Variants in SCAMP1 observed in about 807,000 individuals in gnomAD.
SCAMP1 encodes the protein secretory carrier membrane protein 1.
In SCAMP1, 15 loss-of-function variants were observed where a neutral mutation model predicts 41.8. The ratio of observed to expected loss-of-function variants is 0.36; its 90% confidence interval spans 0.24 to 0.55. The LOEUF is 0.55. SCAMP1 is among the 20% of genes least tolerant of loss of function. The pLI, the probability that SCAMP1 is intolerant of heterozygous loss-of-function variation, is 0.86. For synonymous variants in SCAMP1, 135 were observed against 136.8 expected (o/e 0.99, Z 0.09); for missense variants, 341 against 412.6 (o/e 0.83, Z 1.50).
chr5:78,438,114 A>G (rs1459346043), intron 6 of SCAMP1, among the ~76,000 whole-genome samples: 2 of 151,808 alleles, frequency 1.3e-5, no homozygotes, highest in African/African-American at 4.8e-5. Flanking sequence ...TTTCTTCTTT[A>G]TCAGTCTTGC....
intron 6 of SCAMP1, among the ~76,000 whole-genome samples, chr5:78,446,818 TCTGA>T (rs1191441386): frequency 6.6e-6 from 1 of 152,216 alleles, no homozygotes; most frequent in Non-Finnish European, 1.5e-5. Flanking sequence ...TTAGTTTAAA[TCTGA>T]CTGACATAGA....
At chr5:78,432,948 A>G (rs1322079925) in intron 6 of SCAMP1, among the ~76,000 whole-genome samples, 1 of 151,804 alleles carries the variant, frequency 6.6e-6, no homozygotes. Flanking sequence ...TTTGCATTTC[A>G]GTATATATAA....
chr5:78,462,640 C>T (rs80233593), intron 8 of SCAMP1, among the ~76,000 whole-genome samples: 1 of 152,092 alleles, frequency 6.6e-6, no homozygotes, highest in Non-Finnish European at 1.5e-5. Context: ...TGAAACTTTA[C>T]TCAAGTTAGT....
intron 2 of SCAMP1, among the ~76,000 whole-genome samples, chr5:78,411,715 T>C (rs1204301944): frequency 2.0e-5 from 3 of 152,184 alleles, no homozygotes; most frequent in Non-Finnish European, 4.4e-5. Context: ...TAAATAAAGC[T>C]GTAGTGAGCA....
intron 6 of SCAMP1, among the ~76,000 whole-genome samples, chr5:78,441,069 TA>T (rs1449503198): frequency 6.6e-6 from 1 of 152,162 alleles, no homozygotes; most frequent in African/African-American, 2.4e-5. Flanking sequence ...AGCACAGTGT[TA>T]GGGTGGAAGT....
intron 1 of SCAMP1, among the ~76,000 whole-genome samples, chr5:78,384,211 G>A (rs1361161438): frequency 7.3e-6 from 1 of 136,174 alleles, no homozygotes; most frequent in Non-Finnish European, 1.5e-5. Context: ...TTTTAAAAGG[G>A]GTGGAGTTCT....
chr5:78,361,373 C>T (rs1346354305), intron 1 of SCAMP1, among the ~76,000 whole-genome samples: 1 of 152,188 alleles, frequency 6.6e-6, no homozygotes, highest in Non-Finnish European at 1.5e-5. Context: ...ATAAACATAT[C>T]TGGAAAACAA....
intron 1 of SCAMP1, among the ~76,000 whole-genome samples, chr5:78,367,678 G>A (rs1479500968): frequency 6.6e-6 from 1 of 152,206 alleles, no homozygotes; most frequent in African/African-American, 2.4e-5. Context: ...CTTGACTGGA[G>A]ACAGACCTAT....
intron 6 of SCAMP1, among the ~76,000 whole-genome samples, chr5:78,439,324 A>G (rs1215241611): frequency 1.3e-5 from 2 of 149,056 alleles, no homozygotes; most frequent in East Asian, 1.9e-4. Context: ...GGCCTTTACA[A>G]TTTGGCATGT....
intron 7 of SCAMP1, among the ~76,000 whole-genome samples, chr5:78,450,558 G>T (rs923573908): frequency 6.6e-6 from 1 of 152,178 alleles, no homozygotes; most frequent in African/African-American, 2.4e-5. Context: ...GGGGACCTCA[G>T]AAATGGAGAC....
At chr5:78,398,255 C>A (rs1048432266) in intron 2 of SCAMP1, among the ~76,000 whole-genome samples, 3 of 151,852 alleles carry the variant, frequency 2.0e-5, no homozygotes, top group Non-Finnish European at 2.9e-5. Flanking sequence ...CATAGTTGAA[C>A]CTTGAAAACA....
intron 6 of SCAMP1, among the ~76,000 whole-genome samples, chr5:78,449,055 T>G (rs1278459691): frequency 6.6e-6 from 1 of 152,040 alleles, no homozygotes; most frequent in Non-Finnish European, 1.5e-5. Flanking sequence ...GTAAAACAGT[T>G]TGGCAGTTTC....
At chr5:78,470,465 A>G (rs1753859743) in intron 8 of SCAMP1, among the ~76,000 whole-genome samples, 1 of 152,192 alleles carries the variant, frequency 6.6e-6, no homozygotes, top group Admixed American at 6.5e-5. Flanking sequence ...AATGTTTTCA[A>G]GGTTCATCCG....
chr5:78,365,651 G>C (rs940821812), intron 1 of SCAMP1, among the ~76,000 whole-genome samples: 1 of 152,076 alleles, frequency 6.6e-6, no homozygotes, highest in African/African-American at 2.4e-5. Flanking sequence ...ACATCAACCT[G>C]CTAGACTAGA....
At chr5:78,413,363 C>T (rs1752128567) in intron 2 of SCAMP1, among the ~76,000 whole-genome samples, 1 of 149,728 alleles carries the variant, frequency 6.7e-6, no homozygotes, top group South Asian at 2.1e-4. Context: ...GCCTTGATAT[C>T]ATAGGTCTTC....
intron 6 of SCAMP1, among the ~76,000 whole-genome samples, chr5:78,430,737 A>G (rs370550556): frequency 6.6e-6 from 1 of 152,030 alleles, no homozygotes; most frequent in African/African-American, 2.4e-5. Context: ...CTAGAAGCTT[A>G]GGATGTTATG....
At chr5:78,382,802 TGTGTGTGTGTGTGTGTGC>T (rs1213245635) in intron 1 of SCAMP1, among the ~76,000 whole-genome samples, 9 of 134,658 alleles carry the variant, frequency 6.7e-5, no homozygotes, top group South Asian at 4.6e-4. Context: ...TGTGTGTGTG[TGTGTGTGTGTGTGTGTGC>T]GCCACATTTT....
rs1282753982 is a variant in SCAMP1 at position 78,412,689 on chromosome 5, G to A, written c.136-2831G>A. Reference sequence around the variant, plus strand: ...AGTGCTGTTACACCTCTTTTCACATGTTTATTGACCTCTTTCTATTGCTTG... The same window carrying A: ...AGTGCTGTTACACCTCTTTTCACATATTTATTGACCTCTTTCTATTGCTTG... On this transcript the variant is annotated intron_variant, in intron 2 of 8. Transcript: ENST00000621999. Among the ~76,000 whole-genome samples the A allele has an allele frequency of 2.6e-5, 4 of 151,956 alleles. 1 individual carries two copies. The highest frequency in any genetic ancestry group is 9.7e-5 in the African/African-American group (4 of 41,390).
intron 7 of SCAMP1, among the ~76,000 whole-genome samples, chr5:78,456,703 C>G (rs538342252): frequency 7.3e-5 from 11 of 151,074 alleles, no homozygotes; most frequent in Non-Finnish European, 7.4e-5. Flanking sequence ...GTGGTGGTCT[C>G]TGTATTTCCT....
Sources: gnomAD v4.1 joint callset for allele counts (sites outside exome capture counted in the v4.1 genomes callset) on GRCh38, gnomAD v4.1.1 for gene constraint, MANE v1.5 for transcripts, NCBI Gene and HGNC (gene_info 2026-07-23, HGNC 2026-07-21) for gene names.